TMEM108: variants seen among roughly 807,000 people sequenced by gnomAD.
TMEM108 encodes the protein transmembrane protein 108, also known as cancer/testis antigen 124.
TMEM108 carries 12 observed loss-of-function variants against 35.1 expected under a neutral mutation model. The ratio of observed to expected loss-of-function variants is 0.34; its 90% CI spans 0.22 to 0.55. TMEM108 has a LOEUF of 0.55. TMEM108 is among the 20% of genes least tolerant of loss of function. TMEM108 has a pLI of 0.89. For synonymous variants in TMEM108, 287 were observed against 308.6 expected, an observed-to-expected ratio of 0.93 and a Z score of 0.73; for missense variants, 680 against 753.3, an observed-to-expected ratio of 0.90 and a Z score of 1.14.
At chr3:133,175,565 C>A (rs1326177170) in intron 2 of TMEM108, among the ~76,000 whole-genome samples, 1 of 152,040 alleles carries the variant, frequency 6.6e-6, no homozygotes, top group Non-Finnish European at 1.5e-5. Context: ...TCATATCCAG[C>A]CAAACTAAGC....
intron 3 of TMEM108, among the ~76,000 whole-genome samples, chr3:133,245,795 C>T (rs1946377701): frequency 1.3e-5 from 2 of 152,090 alleles, no homozygotes; most frequent in Admixed American, 1.3e-4. Context: ...ACATAGAACA[C>T]AAGGCACATA....
intron 2 of TMEM108, among the ~76,000 whole-genome samples, chr3:133,191,373 C>G (rs1207907679): frequency 6.6e-6 from 1 of 152,134 alleles, no homozygotes; most frequent in Admixed American, 6.5e-5. Flanking sequence ...ATGAAATAAG[C>G]CCCTTCTCCT....
intron 3 of TMEM108, among the ~76,000 whole-genome samples, chr3:133,327,388 G>A (rs2071344963): frequency 1.3e-5 from 2 of 152,154 alleles, no homozygotes; most frequent in Admixed American, 1.3e-4. Flanking sequence ...GTAAATACCA[G>A]TTATCCAACT....
intron 3 of TMEM108, among the ~76,000 whole-genome samples, chr3:133,312,796 C>T (rs756348576): frequency 2.4e-4 from 37 of 152,212 alleles, no homozygotes; most frequent in Non-Finnish European, 4.7e-4. Context: ...GCAGAAATCA[C>T]CCATCTTCTG....
chr3:133,388,715 T>C (rs2073190060), intron 4 of TMEM108: 1 of 985,344 alleles, frequency 1.0e-6, no homozygotes, highest in African/African-American at 1.7e-5. Context: ...CTTTCCAGGT[T>C]GAGAGGCCAG....
chr3:133,275,244 C>G (rs1946823294), intron 3 of TMEM108, among the ~76,000 whole-genome samples: 1 of 152,094 alleles, frequency 6.6e-6, no homozygotes, highest in Non-Finnish European at 1.5e-5. Flanking sequence ...AAAAGCAGTA[C>G]TGTCCACTAG....
chr3:133,275,531 T>A (rs2107684815), intron 3 of TMEM108, among the ~76,000 whole-genome samples: 1 of 152,354 alleles, frequency 6.6e-6, no homozygotes, highest in African/African-American at 2.4e-5. Context: ...CTGTATTGGA[T>A]AATGCAGCCT....
chr3:133,087,459 TG>T (rs1253027016), intron 2 of TMEM108, among the ~76,000 whole-genome samples: 4 of 152,356 alleles, frequency 2.6e-5, no homozygotes, highest in Non-Finnish European at 4.4e-5. Context: ...TCCACTGGCT[TG>T]GGGTTAACCA....
chr3:133,353,587 T>G (rs1034814337), intron 3 of TMEM108, among the ~76,000 whole-genome samples: 9 of 152,168 alleles, frequency 5.9e-5, no homozygotes, highest in Non-Finnish European at 1.2e-4. Context: ...AATTAGGATC[T>G]TACTCTAACT....
intron 3 of TMEM108, among the ~76,000 whole-genome samples, chr3:133,371,153 G>C (rs1487876060): frequency 5.3e-5 from 8 of 152,194 alleles, no homozygotes; most frequent in Non-Finnish European, 1.2e-4. Context: ...AGTGGTCACT[G>C]AAAGAGCTTT....
At chr3:133,179,794 C>A (rs74486631) in intron 2 of TMEM108, among the ~76,000 whole-genome samples, 2 of 151,062 alleles carry the variant, frequency 1.3e-5, no homozygotes, top group Admixed American at 6.6e-5. Flanking sequence ...TACCGTAAAA[C>A]TTAAAGTATA....
intron 2 of TMEM108, among the ~76,000 whole-genome samples, chr3:133,103,134 C>A (rs1192924715): frequency 1.3e-5 from 2 of 152,148 alleles, no homozygotes; most frequent in Non-Finnish European, 2.9e-5. Flanking sequence ...CGCATGCACA[C>A]CTATGTTCAT....
chr3:133,108,047 C>G (rs1944177911), intron 2 of TMEM108, among the ~76,000 whole-genome samples: 1 of 152,112 alleles, frequency 6.6e-6, no homozygotes, highest in Admixed American at 6.6e-5. Context: ...GCCTGGCCAA[C>G]ATGGTGAAAC....
At chr3:133,075,940 G>T (rs1943737494) in intron 2 of TMEM108, among the ~76,000 whole-genome samples, 1 of 152,130 alleles carries the variant, frequency 6.6e-6, no homozygotes, top group Non-Finnish European at 1.5e-5. Context: ...GGAGAAGCAA[G>T]TGAGTGAGGC....
chr3:133,047,022 C>A (rs891305501), intron 2 of TMEM108, among the ~76,000 whole-genome samples: 1 of 152,052 alleles, frequency 6.6e-6, no homozygotes, highest in South Asian at 2.1e-4. Context: ...ATTTACTGAA[C>A]AAAATAGACA....
intron 2 of TMEM108, among the ~76,000 whole-genome samples, chr3:133,178,505 C>A (rs1009952722): frequency 6.6e-6 from 1 of 151,794 alleles, no homozygotes; most frequent in Non-Finnish European, 1.5e-5. Flanking sequence ...AATAATGCCG[C>A]ATATCTACAA....
At chr3:133,340,130 A>G (rs754210731) in intron 3 of TMEM108, among the ~76,000 whole-genome samples, 1 of 151,312 alleles carries the variant, frequency 6.6e-6, no homozygotes, top group Non-Finnish European at 1.5e-5. Context: ...AATGAAGGAA[A>G]CAATACAAAA....
At chr3:133,245,723 T>A (rs989943336) in intron 3 of TMEM108, among the ~76,000 whole-genome samples, 1 of 152,180 alleles carries the variant, frequency 6.6e-6, no homozygotes, top group Non-Finnish European at 1.5e-5. Flanking sequence ...TGGTCCATAT[T>A]GTTGGATGAG....
At chr3:133,134,195 A>G (rs933794679) in intron 2 of TMEM108, among the ~76,000 whole-genome samples, 2 of 151,960 alleles carry the variant, frequency 1.3e-5, no homozygotes, top group Non-Finnish European at 2.9e-5. Context: ...TTGCATTGTA[A>G]GGGAATGTTG....
Sources: allele counts gnomAD v4.1 joint callset (sites outside exome capture counted in the v4.1 genomes callset), GRCh38; gene constraint gnomAD v4.1.1; transcripts MANE v1.5; gene names NCBI Gene and HGNC (gene_info 2026-07-23, HGNC 2026-07-21).